EXOC4: variants seen among roughly 807,000 people sequenced by gnomAD.
EXOC4 encodes SEC8-like 1.
Under a neutral mutation model 107.2 loss-of-function variants are expected in EXOC4, and 71 were observed. That is an observed-to-expected ratio of 0.66 (90% CI 0.55 to 0.81). The LOEUF (loss-of-function observed/expected upper bound fraction) is 0.81. Among genes scored for constraint, EXOC4 ranks in the 30% least tolerant of loss-of-function variants. The pLI is 0.00. For synonymous variants in EXOC4, 456 were observed against 441.2 expected (o/e 1.03, Z -0.42); for missense variants, 1,108 against 1,189.6 (o/e 0.93, Z 1.01).
chr7:133,348,274 T>C (rs570184761), intron 5 of EXOC4, among the ~76,000 whole-genome samples: 5 of 152,346 alleles, frequency 3.3e-5, no homozygotes, highest in Non-Finnish European at 4.4e-5. Flanking sequence ...ATCTGTTCAG[T>C]GTTTATGCTC....
At chr7:133,748,406 C>G (rs1795721278) in intron 10 of EXOC4, among the ~76,000 whole-genome samples, 1 of 152,056 alleles carries the variant, frequency 6.6e-6, no homozygotes, top group Non-Finnish European at 1.5e-5. Context: ...GAAAGTGAAG[C>G]CTATCAATCA....
intron 9 of EXOC4, among the ~76,000 whole-genome samples, chr7:133,561,274 A>G (rs891854594): frequency 6.6e-6 from 1 of 152,226 alleles, no homozygotes; most frequent in Non-Finnish European, 1.5e-5. Context: ...AGTCAACACC[A>G]TCTGCCTTTG....
intron 6 of EXOC4, among the ~76,000 whole-genome samples, chr7:133,362,012 CTT>C (rs1392627169): frequency 6.6e-6 from 1 of 152,114 alleles, no homozygotes; most frequent in African/African-American, 2.4e-5. Context: ...TGTAGGAACT[CTT>C]TACATATATA....
At chr7:134,013,279 CA>C (rs2116375659) in intron 17 of EXOC4, among the ~76,000 whole-genome samples, 1 of 152,202 alleles carries the variant, frequency 6.6e-6, no homozygotes, top group South Asian at 2.1e-4. Context: ...GGCACGTTAC[CA>C]AAACCTATTA....
intron 14 of EXOC4, among the ~76,000 whole-genome samples, chr7:133,995,542 A>G (rs1794369116): frequency 1.3e-5 from 2 of 152,224 alleles, no homozygotes; most frequent in South Asian, 2.1e-4. Flanking sequence ...TGGCGATCAA[A>G]CAACATGATT....
chr7:133,846,805 C>G (rs889808067), intron 11 of EXOC4, among the ~76,000 whole-genome samples: 1 of 152,208 alleles, frequency 6.6e-6, no homozygotes, highest in African/African-American at 2.4e-5. Flanking sequence ...CCGTACTTTG[C>G]TGACTCCTGG....
chr7:133,840,352 T>C (rs1798000146), intron 11 of EXOC4, among the ~76,000 whole-genome samples: 1 of 152,108 alleles, frequency 6.6e-6, no homozygotes, highest in Non-Finnish European at 1.5e-5. Flanking sequence ...GGGATGCATA[T>C]CTAAGTGGTA....
At chr7:134,050,896 G>T (rs917237853) in intron 17 of EXOC4, among the ~76,000 whole-genome samples, 1 of 152,128 alleles carries the variant, frequency 6.6e-6, no homozygotes, top group African/African-American at 2.4e-5. Context: ...TCTAGGAGGA[G>T]TGAGTGAGTG....
chr7:133,710,615 C>T (rs1185701431), intron 10 of EXOC4, among the ~76,000 whole-genome samples: 2 of 147,744 alleles, frequency 1.4e-5, no homozygotes, highest in South Asian at 2.2e-4. Flanking sequence ...AGCCGAGATC[C>T]CGCCACTGCA....
intron 10 of EXOC4, among the ~76,000 whole-genome samples, chr7:133,715,488 T>G (rs1284720237): frequency 6.6e-6 from 1 of 152,128 alleles, no homozygotes; most frequent in Non-Finnish European, 1.5e-5. Flanking sequence ...GACTTTTTTT[T>G]TTTTTGGAAG....
chr7:133,657,243 T>C (rs1228236746), intron 10 of EXOC4, among the ~76,000 whole-genome samples: 1 of 152,168 alleles, frequency 6.6e-6, no homozygotes, highest in Non-Finnish European at 1.5e-5. Flanking sequence ...CAGGAAGGGA[T>C]GGTCATTCAC....
At chr7:133,907,085 G>A (rs928854419) in intron 12 of EXOC4, among the ~76,000 whole-genome samples, 1 of 152,202 alleles carries the variant, frequency 6.6e-6, no homozygotes, top group African/African-American at 2.4e-5. Flanking sequence ...GGCCAAGGGT[G>A]TATACCAGGG....
intron 10 of EXOC4, among the ~76,000 whole-genome samples, chr7:133,787,963 T>TATA (rs1796616109): frequency 1.5e-4 from 6 of 40,954 alleles, no homozygotes; most frequent in Non-Finnish European, 2.3e-4. Context: ...ATTTATATAT[T>TATA]TATATATATA....
At chr7:133,758,464 G>A (rs998107865) in intron 10 of EXOC4, among the ~76,000 whole-genome samples, 22 of 152,154 alleles carry the variant, frequency 1.4e-4, no homozygotes, top group Admixed American at 4.6e-4. Flanking sequence ...GAATTGAATG[G>A]TTACTTATTG....
At chr7:133,669,806 G>T (rs1450267299) in intron 10 of EXOC4, among the ~76,000 whole-genome samples, 1 of 152,172 alleles carries the variant, frequency 6.6e-6, no homozygotes, top group Non-Finnish European at 1.5e-5. Context: ...AGGGCGTCAG[G>T]AGACAACATT....
intron 6 of EXOC4, among the ~76,000 whole-genome samples, chr7:133,365,649 C>T (rs1796234479): frequency 6.6e-6 from 1 of 152,078 alleles, no homozygotes; most frequent in African/African-American, 2.4e-5. Context: ...AATAGTAACC[C>T]CTTTTTACAT....
At chr7:133,949,120 A>G (rs1223174024) in intron 14 of EXOC4, among the ~76,000 whole-genome samples, 1 of 152,186 alleles carries the variant, frequency 6.6e-6, no homozygotes, top group Non-Finnish European at 1.5e-5. Context: ...TAAAAGCTGC[A>G]CCTCTTACCC....
At chr7:133,795,917 T>G (rs1563001231) in intron 10 of EXOC4, among the ~76,000 whole-genome samples, 1 of 152,128 alleles carries the variant, frequency 6.6e-6, no homozygotes, top group Non-Finnish European at 1.5e-5. Flanking sequence ...ATTCAGAGAG[T>G]CTATGAAACA....
Position 134,004,929 on chromosome 7 carries a change from AT to A in EXOC4, c.2367del (p.Ile791SerfsTer38). ...TTTTTCAGGGTTCACTGTTTCCACTATCTTATCCCTCTTGCAAAGGAGGGGA... is the reference window on the plus strand; with the variant it reads ...TTTTTCAGGGTTCACTGTTTCCACTACTTATCCCTCTTGCAAAGGAGGGGA... ...HLEVRVHCFH[Y>X]LIPLAKEGNY... On this transcript the variant is annotated frameshift_variant, in exon 16 of 18. Transcript: ENST00000253861. LOFTEE classifies it high-confidence loss of function. The A allele has an allele frequency of 1.9e-6, 3 of 1,613,040 alleles. No homozygotes were observed. Among genetic ancestry groups the A allele is most frequent in the Non-Finnish European group, 2.5e-6 (3 of 1,179,380 alleles).
Sources: allele counts gnomAD v4.1 joint callset (sites outside exome capture counted in the v4.1 genomes callset), GRCh38; gene constraint gnomAD v4.1.1; transcripts MANE v1.5; gene names NCBI Gene and HGNC (gene_info 2026-07-23, HGNC 2026-07-21).